Variants in ARB2A observed in about 807,000 individuals in gnomAD.
The protein encoded by ARB2A is ARB2 cotranscriptional regulator A, also known as cotranscriptional regulator ARB2A.
At chr5:93,887,871 T>C in the ARB2A span, among the ~76,000 whole-genome samples, 2 of 151,940 alleles carry the variant, frequency 1.3e-5, no homozygotes, top group Non-Finnish European at 2.9e-5. Context: ...CATGCATCAA[T>C]GTCAGCTCCT....
the ARB2A span, among the ~76,000 whole-genome samples, chr5:94,081,068 A>G: frequency 1.3e-5 from 2 of 152,234 alleles, no homozygotes; most frequent in African/African-American, 4.8e-5. Flanking sequence ...CAAATGGCCA[A>G]AAAGCACATA....
chr5:93,903,121 A>T, the ARB2A span, among the ~76,000 whole-genome samples: 1 of 152,098 alleles, frequency 6.6e-6, no homozygotes, highest in Non-Finnish European at 1.5e-5. Context: ...CAATTTTGAC[A>T]TAGAGAGGTG....
chr5:94,087,879 C>A, the ARB2A span, among the ~76,000 whole-genome samples: 1 of 152,006 alleles, frequency 6.6e-6, no homozygotes, highest in Non-Finnish European at 1.5e-5. Flanking sequence ...CATATGTAGC[C>A]CAGGTGTGTA....
At chr5:94,070,242 A>G in the ARB2A span, among the ~76,000 whole-genome samples, 1 of 152,142 alleles carries the variant, frequency 6.6e-6, no homozygotes, top group Non-Finnish European at 1.5e-5. Flanking sequence ...AGAAAGACAC[A>G]GTGCATGTTC....
chr5:93,873,242 T>C, the ARB2A span, among the ~76,000 whole-genome samples: 1 of 147,554 alleles, frequency 6.8e-6, no homozygotes, highest in Non-Finnish European at 1.5e-5. Context: ...CAGTGAGTTA[T>C]GATGTCATCA....
chr5:93,743,381 A>G, the ARB2A span: 1 of 189,202 alleles, frequency 5.3e-6, no homozygotes, highest in Non-Finnish European at 9.8e-6. Flanking sequence ...ATTTAATGTT[A>G]AATAAGTGAA....
the ARB2A span, among the ~76,000 whole-genome samples, chr5:93,906,209 T>C: frequency 2.0e-5 from 3 of 151,516 alleles, no homozygotes; most frequent in Non-Finnish European, 4.4e-5. Flanking sequence ...TAAAATGAAG[T>C]ATTCCACTTG....
the ARB2A span, among the ~76,000 whole-genome samples, chr5:93,826,013 G>A: frequency 2.4e-4 from 36 of 151,698 alleles, no homozygotes; most frequent in Non-Finnish European, 5.3e-4. Context: ...TATAAACCTA[G>A]GCCTTTTACA....
At chr5:93,849,168 G>A in the ARB2A span, among the ~76,000 whole-genome samples, 1 of 152,044 alleles carries the variant, frequency 6.6e-6, no homozygotes, top group African/African-American at 2.4e-5. Context: ...GCACGTCGTA[G>A]CTCAAAAATC....
the ARB2A span, among the ~76,000 whole-genome samples, chr5:93,639,339 T>C: frequency 6.6e-6 from 1 of 152,170 alleles, no homozygotes; most frequent in African/African-American, 2.4e-5. Context: ...AAATAGACAA[T>C]TTTTTGTTAC....
At chr5:94,019,496 T>C in the ARB2A span, among the ~76,000 whole-genome samples, 1 of 152,166 alleles carries the variant, frequency 6.6e-6, no homozygotes, top group Non-Finnish European at 1.5e-5. Context: ...CAGACATTTC[T>C]CAAAAGAAGA....
the ARB2A span, among the ~76,000 whole-genome samples, chr5:93,780,907 C>T: frequency 3.3e-5 from 5 of 152,164 alleles, no homozygotes; most frequent in Non-Finnish European, 5.9e-5. Context: ...AGAAATTACA[C>T]AAGTAATACA....
chr5:93,926,883 G>T, the ARB2A span, among the ~76,000 whole-genome samples: 2 of 151,692 alleles, frequency 1.3e-5, no homozygotes, highest in South Asian at 4.2e-4. Context: ...GACATATAAA[G>T]AAAACACTGA....
At chr5:93,999,182 T>C in the ARB2A span, among the ~76,000 whole-genome samples, 1 of 151,468 alleles carries the variant, frequency 6.6e-6, no homozygotes, top group Non-Finnish European at 1.5e-5. Flanking sequence ...TAAAATAACA[T>C]GGGTGATGTG....
At chr5:93,852,607 A>C in the ARB2A span, among the ~76,000 whole-genome samples, 2 of 151,690 alleles carry the variant, frequency 1.3e-5, no homozygotes, top group African/African-American at 4.9e-5. Flanking sequence ...TTAAGTCTTT[A>C]ATCCATCTTG....
chr5:94,012,258 C>T, the ARB2A span, among the ~76,000 whole-genome samples: 13 of 152,130 alleles, frequency 8.5e-5, no homozygotes, highest in Non-Finnish European at 1.8e-4. Flanking sequence ...AAAAATTAGC[C>T]AGGCGTGGTG....
chr5:93,823,953 AAAT>A, the ARB2A span, among the ~76,000 whole-genome samples: 7 of 152,114 alleles, frequency 4.6e-5, no homozygotes, highest in East Asian at 5.8e-4. Context: ...CTGTCTCAAA[AAAT>A]AATAATAATA....
At chr5:93,944,623 GA>G in the ARB2A span, among the ~76,000 whole-genome samples, 1 of 151,126 alleles carries the variant, frequency 6.6e-6, no homozygotes, top group Non-Finnish European at 1.5e-5. Flanking sequence ...GAGGGGAGGG[GA>G]GGGGTGAGGA....
chr5:93,852,264 G>T, the ARB2A span, among the ~76,000 whole-genome samples: 1 of 152,124 alleles, frequency 6.6e-6, no homozygotes, highest in Non-Finnish European at 1.5e-5. Flanking sequence ...TTTGAGAAGT[G>T]TCTGTTCATA....
Sources: gnomAD v4.1 joint callset for allele counts (sites outside exome capture counted in the v4.1 genomes callset) on GRCh38, gnomAD v4.1.1 for gene constraint, MANE v1.5 for transcripts, NCBI Gene and HGNC (gene_info 2026-07-23, HGNC 2026-07-21) for gene names.